The following APH1B variants were observed in gnomAD, a reference collection of about 807,000 sequenced individuals.
APH1B encodes the protein gamma-secretase subunit APH-1B.
Under a neutral mutation model 28.2 loss-of-function variants are expected in APH1B, and 27 were observed. That is an observed-to-expected ratio of 0.96 (90% confidence interval 0.70 to 1.32). The LOEUF (loss-of-function observed/expected upper bound fraction) is 1.32. APH1B is among the 40% of genes most tolerant of loss of function. The pLI, the probability that APH1B is intolerant of heterozygous loss-of-function variation, is 0.00. For missense variants in APH1B, 305 were observed against 313.6 expected (o/e 0.97, Z 0.21); for synonymous variants, 141 against 124.6 (o/e 1.13, Z -0.88).
chr15:63,287,621 G>T, intron 4 of APH1B, 75 bp downstream of exon 4: 1 of 1,513,312 alleles, frequency 6.6e-7, no homozygotes, highest in Admixed American at 1.9e-5. Flanking sequence ...ACTGGCTTAG[G>T]AATTTCAGTG....
At chr15:63,297,757 G>T (rs1241240619) in intron 4 of APH1B, among the ~76,000 whole-genome samples, 1 of 152,144 alleles carries the variant, frequency 6.6e-6, no homozygotes, top group Non-Finnish European at 1.5e-5. Context: ...ACGTGTGTGT[G>T]GCAGAATGAT....
At chr15:63,293,647 G>A (rs1448153408) in intron 4 of APH1B, among the ~76,000 whole-genome samples, 3 of 152,052 alleles carry the variant, frequency 2.0e-5, no homozygotes, top group African/African-American at 4.8e-5. Flanking sequence ...ACAGGAGTGC[G>A]CCACCCTGCG....
At chr15:63,291,236 A>C (rs1473804098) in intron 4 of APH1B, among the ~76,000 whole-genome samples, 2 of 152,114 alleles carry the variant, frequency 1.3e-5, no homozygotes, top group African/African-American at 4.8e-5. Context: ...AGAGAAGATA[A>C]TTTTTCTAGT....
chr15:63,299,444 AC>A (rs200117093), intron 4 of APH1B, among the ~76,000 whole-genome samples: 4,918 of 152,074 alleles, frequency 0.032, 109 homozygotes, highest in East Asian at 0.12. Context: ...TTGCTCTGTC[AC>A]CCAGGCTGGA....
chr15:63,280,909 G>C (rs2038379182), intron 2 of APH1B, among the ~76,000 whole-genome samples: 1 of 152,158 alleles, frequency 6.6e-6, no homozygotes, highest in Admixed American at 6.5e-5. Flanking sequence ...GACATTTTGG[G>C]AAAGCAAGGT....
chr15:63,297,148 A>G (rs1325089840), intron 4 of APH1B, among the ~76,000 whole-genome samples: 2 of 152,256 alleles, frequency 1.3e-5, no homozygotes, highest in African/African-American at 4.8e-5. Flanking sequence ...TATAAAAATT[A>G]TGGAAGCTCC....
intron 2 of APH1B, among the ~76,000 whole-genome samples, chr15:63,282,007 C>T (rs1261646582): frequency 6.6e-6 from 1 of 152,060 alleles, no homozygotes; most frequent in Non-Finnish European, 1.5e-5. Context: ...CTAGCAGGTA[C>T]GTTTGTTTGC....
In APH1B at chr15:63,304,551, A is replaced by G. The variant is rs2038666601; in HGVS notation, c.607-1063A>G. Among the ~76,000 whole-genome samples, 1 of 152,148 alleles carries G rather than the reference A, an allele frequency of 6.6e-6. No individual in the cohort carries two copies. The highest frequency in any genetic ancestry group is 1.5e-5 in the Non-Finnish European group (1 of 68,024). On this transcript the variant is annotated intron_variant, in intron 5 of 5. Transcript: ENST00000261879. This position sits in a 1 kb window ranked among gnomAD's most constrained non-coding sequence, Gnocchi z 5.1. ...CATGGTTTGTCTTTACATTCTCTTA[A>G]TGTCTTTCGGTGAACAAAAGTTCTT...
chr15:63,301,132 A>G (rs1399993768), intron 4 of APH1B, among the ~76,000 whole-genome samples: 4 of 152,240 alleles, frequency 2.6e-5, no homozygotes, highest in Non-Finnish European at 1.5e-5. Flanking sequence ...GTGGGTCCCC[A>G]TAATTTGGAG....
At chr15:63,284,020 G>A (rs1187961397) in intron 2 of APH1B, among the ~76,000 whole-genome samples, 1 of 152,128 alleles carries the variant, frequency 6.6e-6, no homozygotes, top group Non-Finnish European at 1.5e-5. Context: ...TTGCTGGACT[G>A]TCAATTTTAT....
intron 4 of APH1B, among the ~76,000 whole-genome samples, chr15:63,289,636 AC>A (rs1490832915): frequency 2.0e-5 from 3 of 152,250 alleles, no homozygotes; most frequent in African/African-American, 7.2e-5. Context: ...TGTTTCATGC[AC>A]AAAATTATTA....
intron 4 of APH1B, among the ~76,000 whole-genome samples, chr15:63,288,679 A>G (rs2038472966): frequency 1.3e-5 from 2 of 152,350 alleles, no homozygotes; most frequent in Non-Finnish European, 2.9e-5. Context: ...AAGTGTGTTA[A>G]TGGGTCATAC....
intron 4 of APH1B, among the ~76,000 whole-genome samples, chr15:63,292,246 A>G (rs1005559566): frequency 2.0e-5 from 3 of 152,214 alleles, no homozygotes; most frequent in Non-Finnish European, 4.4e-5. Context: ...TGTAACCTGC[A>G]GTTCTTATCC....
chr15:63,284,844 A>G (rs1320744926), intron 2 of APH1B, among the ~76,000 whole-genome samples: 1 of 152,214 alleles, frequency 6.6e-6, no homozygotes, highest in Non-Finnish European at 1.5e-5. Flanking sequence ...TTGTGTCCAC[A>G]TGGATACAAG....
chr15:63,294,877 T>C (rs1397071502), intron 4 of APH1B, among the ~76,000 whole-genome samples: 1 of 152,234 alleles, frequency 6.6e-6, no homozygotes, highest in African/African-American at 2.4e-5. Flanking sequence ...CAATTTTAAA[T>C]ACTGCTGACT....
chr15:63,305,402 C>T (rs1346563913), intron 5 of APH1B, among the ~76,000 whole-genome samples: 1 of 152,138 alleles, frequency 6.6e-6, no homozygotes, highest in African/African-American at 2.4e-5. Context: ...CTAGGGTTAC[C>T]ATCTGAATAC....
chr15:63,308,969 C>T lies in APH1B; in HGVS notation c.*3188C>T, dbSNP rs998797966. ...ATTAAATTTTAGTGTTTAGAAGAGG[C>T]GGGTACTGTCACTGTGTAAAATATG... On this transcript the variant is annotated 3_prime_UTR_variant, in exon 6 of 6. Coordinates refer to ENST00000261879, the MANE Select transcript of APH1B (RefSeq NM_031301.4). The T allele has an allele frequency of 3.3e-5, 5 of 152,124 alleles. No homozygotes were observed. Among genetic ancestry groups the T allele is most frequent in the African/African-American group, 7.2e-5 (3 of 41,420 alleles). 9.4% of individuals were successfully genotyped at this position (152,124 alleles called of 1,614,324 possible). A position where few individuals can be genotyped will look rare whatever the true frequency, so the allele number is the denominator to read the frequency against.
chr15:63,302,041 C>T (rs2038635034), intron 4 of APH1B, among the ~76,000 whole-genome samples: 1 of 152,164 alleles, frequency 6.6e-6, no homozygotes, highest in Non-Finnish European at 1.5e-5. Flanking sequence ...GCAGAAGGCT[C>T]ACTGGGAAAA....
At chr15:63,297,421 C>T (rs2038579409) in intron 4 of APH1B, among the ~76,000 whole-genome samples, 1 of 152,086 alleles carries the variant, frequency 6.6e-6, no homozygotes, top group South Asian at 2.1e-4. Flanking sequence ...CCCAGCTACT[C>T]AGGAGGCTGA....
Sources: gnomAD v4.1 joint callset for allele counts (sites outside exome capture counted in the v4.1 genomes callset) on GRCh38, gnomAD v4.1.1 for gene constraint, Gnocchi (gnomAD v3.1) non-coding constraint, MANE v1.5 for transcripts, NCBI Gene and HGNC (gene_info 2026-07-23, HGNC 2026-07-21) for gene names.